Variants in SPRED1 observed in about 807,000 individuals in gnomAD.
The protein encoded by SPRED1 is sprouty-related, EVH1 domain-containing protein 1.
SPRED1 carries 18 observed loss-of-function variants against 52.3 expected under a neutral mutation model. The observed-to-expected ratio is 0.34, with a 90% CI of 0.24 to 0.51. The LOEUF (loss-of-function observed/expected upper bound fraction) is 0.51, where lower values mean the gene tolerates loss of function less well. SPRED1 is among the 20% of genes least tolerant of loss of function. SPRED1 has a pLI of 0.97. For missense variants in SPRED1, 485 were observed against 551.0 expected (o/e 0.88, Z 1.20); for synonymous variants, 155 against 179.7 (o/e 0.86, Z 1.10).
At chr15:38,253,406 G>A (rs1014092212) in intron 1 of SPRED1, among the ~76,000 whole-genome samples, 189 bp downstream of exon 1, 5 of 152,058 alleles carry the variant, frequency 3.3e-5, no homozygotes, top group Admixed American at 1.3e-4. Context: ...CCCACATTTA[G>A]CTGCTTTCTT....
intron 1 of SPRED1, among the ~76,000 whole-genome samples, chr15:38,288,640 A>C (rs751986496): frequency 5.3e-5 from 8 of 152,180 alleles, no homozygotes; most frequent in Non-Finnish European, 1.2e-4. Context: ...TATTATACTT[A>C]AGGAGTACAA....
At chr15:38,338,303 G>GT (rs10680565) in intron 4 of SPRED1, among the ~76,000 whole-genome samples, 6 of 143,586 alleles carry the variant, frequency 4.2e-5, no homozygotes, top group East Asian at 2.0e-4. Flanking sequence ...GTTTTGTTTT[G>GT]TTTTTTTTCT....
chr15:38,292,890 C>T lies in SPRED1; in HGVS notation c.33-6483C>T, dbSNP rs771632997. The stretch of plus-strand genomic sequence containing the variant: ...GACAAATTTAGACAATTTGATAATG[C>T]GGTTGTAGTAACATAAAGTTGATTT... On this transcript the variant is annotated intron_variant, in intron 1 of 6. Transcript: ENST00000299084. 1.3e-4 allele frequency among the ~76,000 whole-genome samples: 20 copies of T among 152,144 alleles called. 1 individual carries two copies. The highest frequency in any genetic ancestry group is 2.1e-4 in the South Asian group (1 of 4,814).
At chr15:38,319,157 C>T (rs187700652) in intron 2 of SPRED1, among the ~76,000 whole-genome samples, 12 of 152,064 alleles carry the variant, frequency 7.9e-5, no homozygotes, top group Non-Finnish European at 1.6e-4. Flanking sequence ...TTAACAATTC[C>T]AATTTAGCAT....
intron 2 of SPRED1, among the ~76,000 whole-genome samples, chr15:38,303,815 A>G (rs945302110): frequency 1.3e-5 from 2 of 152,164 alleles, no homozygotes; most frequent in African/African-American, 4.8e-5. Flanking sequence ...ATTCCTGAAG[A>G]TGCTCTGTGG....
chr15:38,331,197 T>C (rs1435170687), intron 4 of SPRED1, among the ~76,000 whole-genome samples: 1 of 152,136 alleles, frequency 6.6e-6, no homozygotes, highest in Non-Finnish European at 1.5e-5. Context: ...TGGGTTACTT[T>C]GTAGACAATA....
chr15:38,286,541 G>T (rs8026186), intron 1 of SPRED1, among the ~76,000 whole-genome samples: 1 of 149,118 alleles, frequency 6.7e-6, no homozygotes, highest in Admixed American at 6.7e-5. Flanking sequence ...ATTACTTATG[G>T]CTTTTTTTTT....
chr15:38,295,732 T>G (rs1210353128), intron 1 of SPRED1, among the ~76,000 whole-genome samples: 1 of 152,192 alleles, frequency 6.6e-6, no homozygotes, highest in African/African-American at 2.4e-5. Context: ...TCATGCACAA[T>G]TATTTTACCT....
chr15:38,296,158 A>AC (rs973730179), intron 1 of SPRED1, among the ~76,000 whole-genome samples: 5 of 152,062 alleles, frequency 3.3e-5, no homozygotes, highest in African/African-American at 1.2e-4. Flanking sequence ...TGAGCCTTCT[A>AC]CTTGTCTAGC....
intron 1 of SPRED1, among the ~76,000 whole-genome samples, chr15:38,290,967 G>A (rs79038300): frequency 0.055 from 8,382 of 152,096 alleles, 320 homozygotes; most frequent in Middle Eastern, 0.088. Context: ...GTCTTAACGC[G>A]TTTTACCATT....
At chr15:38,326,993 T>C (rs1895719175) in intron 4 of SPRED1, among the ~76,000 whole-genome samples, 1 of 152,232 alleles carries the variant, frequency 6.6e-6, no homozygotes, top group African/African-American at 2.4e-5. Flanking sequence ...TTTCCACTTT[T>C]GAGCAAGAAG....
Position 38,356,846 on chromosome 15 carries a change from AAAATTATAG to A in SPRED1, c.*5183_*5191del, listed in dbSNP as rs998051081. The stretch of plus-strand genomic sequence containing the variant: ...GGAAAGGTTATTAGGACAGTAATAA[AAAATTATAG>A]TGTATCTCAACACTAGAATAAGTTG... On this transcript the variant is annotated 3_prime_UTR_variant, in exon 7 of 7. Coordinates refer to ENST00000299084, the MANE Select transcript of SPRED1 (RefSeq NM_152594.3). 6.6e-6 allele frequency: 1 copy of A among 152,162 alleles called. No individual in the cohort carries two copies. Among genetic ancestry groups the A allele is most frequent in the African/African-American group, 2.4e-5 (1 of 41,466 alleles). The allele number at this position is 152,162 out of a possible 1,614,324, so 9.4% of individuals were successfully genotyped here. A position where few individuals can be genotyped will look rare whatever the true frequency, so the allele number is the denominator to read the frequency against.
At position 38,252,964 on chromosome 15, in the gene SPRED1, G is replaced by A. The variant is rs1894010328; in HGVS notation, c.-222G>A. 5.0e-6 allele frequency: 3 copies of A among 599,380 alleles called. No individual in the cohort carries two copies. The highest frequency in any genetic ancestry group is 8.9e-6 in the Non-Finnish European group (3 of 337,954). The allele number at this position is 599,380 out of a possible 1,614,324, so 37.1% of individuals were successfully genotyped here. ...CACTGAGGCGGGGGAAGAGGCTGGG[G>A]TCGCCACGGCGGAGGTTGCTGCCGC... On this transcript the variant is annotated 5_prime_UTR_variant, in exon 1 of 7. Transcript: ENST00000299084.
In SPRED1 at chr15:38,257,607, GGT is replaced by G. The variant is rs1396217733; in HGVS notation, c.32+4393_32+4394del. On this transcript the variant is annotated intron_variant, in intron 1 of 6. Coordinates refer to ENST00000299084, the MANE Select transcript of SPRED1 (RefSeq NM_152594.3). The stretch of plus-strand genomic sequence containing the variant: ...GATGTGCTTGGCCTCTGAGTTATGT[GGT>G]GTATCTGAAGACCCGTGTTATATCC... Among the ~76,000 whole-genome samples the G allele has an allele frequency of 7.2e-5, 11 of 152,254 alleles. No homozygotes were observed. The South Asian group carries it at 1.2e-3, about 17-fold the overall frequency.
intron 1 of SPRED1, among the ~76,000 whole-genome samples, chr15:38,286,109 G>C (rs1304729966): frequency 2.6e-5 from 4 of 151,742 alleles, no homozygotes; most frequent in African/African-American, 9.7e-5. Context: ...GCCAGGTATG[G>C]TGGCAGGTGC....
At chr15:38,275,710 C>A (rs1048175428) in intron 1 of SPRED1, among the ~76,000 whole-genome samples, 26 of 152,176 alleles carry the variant, frequency 1.7e-4, no homozygotes, top group African/African-American at 6.3e-4. Context: ...GTTCGTCAGG[C>A]TGGTCTTGAA....
At chr15:38,261,087 A>G (rs1347642763) in intron 1 of SPRED1, among the ~76,000 whole-genome samples, 1 of 152,250 alleles carries the variant, frequency 6.6e-6, no homozygotes, top group African/African-American at 2.4e-5. Context: ...TGAGAAAAGC[A>G]GTGCATTTTA....
At chr15:38,338,191 A>G (rs1895959957) in intron 4 of SPRED1, among the ~76,000 whole-genome samples, 1 of 151,414 alleles carries the variant, frequency 6.6e-6, no homozygotes, top group Admixed American at 6.6e-5. Context: ...AGCCTGAGTG[A>G]CAAGAACAAG....
Position 38,351,036 on chromosome 15 carries a change from A to T in SPRED1, c.707A>T (p.His236Leu). ...TAGGTCCCTTTGAAATCAATCAGAC[A>T]TGTCAGCTTTCAAGATGAGGATGAG... ...QNRVPLKSIR[H>L]VSFQDEDEIV... Residue 236 changes from histidine to leucine, a missense_variant, in exon 7 of 7, where the codon CAT becomes CTT. Physicochemically the swap from His to Leu is moderately conservative, Grantham distance 99 (BLOSUM62 -3). Coordinates refer to ENST00000299084, the MANE Select transcript of SPRED1 (RefSeq NM_152594.3). The T allele has an allele frequency of 6.2e-7, 1 of 1,613,642 alleles. No individual in the cohort carries two copies. Among genetic ancestry groups the T allele is most frequent in the Non-Finnish European group, 8.5e-7 (1 of 1,179,928 alleles).
Sources: allele counts gnomAD v4.1 joint callset (sites outside exome capture counted in the v4.1 genomes callset), GRCh38; gene constraint gnomAD v4.1.1; transcripts MANE v1.5; gene names NCBI Gene and HGNC (gene_info 2026-07-23, HGNC 2026-07-21).